BRD4: variants seen among roughly 807,000 people sequenced by gnomAD.
BRD4 encodes the protein bromodomain containing 4, also known as bromodomain-containing protein 4.
A neutral mutation model predicts 142.1 loss-of-function variants in BRD4; 16 were observed. The ratio of observed to expected loss-of-function variants is 0.11; its 90% CI spans 0.08 to 0.17. The LOEUF (loss-of-function observed/expected upper bound fraction) is 0.17, where lower values mean the gene tolerates loss of function less well. Ranked by LOEUF, BRD4 falls within the 10% of genes least tolerant of loss-of-function variation. The pLI is 1.00. For synonymous variants in BRD4, 833 were observed against 707.5 expected, an observed-to-expected ratio of 1.18 and a Z score of -2.82; for missense variants, 1,424 against 1,810.9, an observed-to-expected ratio of 0.79 and a Z score of 3.88.
Position 15,265,632 on chromosome 19 carries a change from G to C in BRD4, c.571C>G (p.Pro191Ala). Residue 191 changes from proline to alanine, a missense_variant, in exon 5 of 20, where the codon CCT (proline) becomes GCT (alanine). Pro to Ala is a conservative substitution (Grantham distance 27). Transcript: ENST00000679869. The stretch of plus-strand genomic sequence containing the variant: ...GTGTTTGGTACCGTGGAAACGCCAG[G>C]TTTTGCTGTCCCTACAAATCATAAT... ...RGRKETGTAK[P>A]GVSTVPNTTQ... 1 of 1,614,138 alleles carries C rather than the reference G, an allele frequency of 6.2e-7. No homozygotes were observed. The highest frequency in any genetic ancestry group is 8.5e-7 in the Non-Finnish European group (1 of 1,180,014).
chr19:15,241,502 C>T (rs574582455), intron 14 of BRD4, among the ~76,000 whole-genome samples: 1 of 152,354 alleles, frequency 6.6e-6, no homozygotes, highest in South Asian at 2.1e-4. Flanking sequence ...TAGCAGGATC[C>T]CAATCCACAC....
At chr19:15,244,850 C>T (rs2047271876) in intron 11 of BRD4, 88 bp from the exon 12 acceptor site, 2 of 1,602,918 alleles carry the variant, frequency 1.2e-6, no homozygotes, top group Non-Finnish European at 1.7e-6. Flanking sequence ...AAACAGGGCA[C>T]TTTCAGGAGA....
intron 6 of BRD4, chr19:15,264,118 C>G (rs1599463073): frequency 2.6e-6 from 1 of 389,696 alleles, no homozygotes; most frequent in South Asian, 4.7e-5. Context: ...GGCAAGGTAC[C>G]TGGGGCACTG....
intron 1 of BRD4, chr19:15,280,342 A>G: frequency 9.9e-7 from 1 of 1,014,554 alleles, no homozygotes. Flanking sequence ...GCAGCACCAC[A>G]CTTTGCTGTA....
At chr19:15,307,874 G>A (rs2047927883) in intron 1 of BRD4, among the ~76,000 whole-genome samples, 1 of 152,052 alleles carries the variant, frequency 6.6e-6, no homozygotes, top group African/African-American at 2.4e-5. Flanking sequence ...CAGCATTTTG[G>A]GAGGCCCTGG....
chr19:15,253,081 AAC>A (rs1307199417), intron 11 of BRD4: 2 of 250,668 alleles, frequency 8.0e-6, no homozygotes, highest in Non-Finnish European at 1.5e-5. Flanking sequence ...CTACTGCCAA[AAC>A]ACAGGTTTCC....
rs1424313834 is a variant in BRD4 at position 15,238,910 on chromosome 19, G to GCTC, written c.3850_3852dup (p.Glu1284dup). On this transcript the variant is annotated inframe_insertion, in exon 19 of 20. Transcript: ENST00000679869. This position sits in a 1 kb window ranked among gnomAD's most constrained non-coding sequence, Gnocchi z 7.2. ...TGCTCCTGGCGCTGCTGCTGCTGCT[G>GCTC]CTCCTGGCGCCGACGTGCCTCCTCA... is the stretch of plus-strand genomic sequence containing the variant. 6.3e-7 allele frequency: 1 copy of GCTC among 1,594,908 alleles called. No homozygotes were observed. Among genetic ancestry groups the GCTC allele is most frequent in the African/African-American group, 1.3e-5 (1 of 74,548 alleles).
At chr19:15,246,092 AGGGGCTGCAACT>A (rs1275606857) in intron 11 of BRD4, among the ~76,000 whole-genome samples, 3 of 152,204 alleles carry the variant, frequency 2.0e-5, no homozygotes, top group Non-Finnish European at 4.4e-5. Flanking sequence ...ACAAATGACC[AGGGGCTGCAACT>A]GGGGACACGG....
chr19:15,328,571 G>A lies in BRD4; in HGVS notation c.-35+3719C>T, dbSNP rs185163814. On this transcript the variant is annotated intron_variant, in intron 1 of 19. Transcript: ENST00000679869. ...CTCACATTCCTTGTAAGTCACTACC[G>A]AACAATTATGTCCACGGCTAACAAC... Among the ~76,000 whole-genome samples, 230 of 152,270 alleles carry A rather than the reference G, an allele frequency of 1.5e-3. 3 individuals carry two copies. Among genetic ancestry groups the A allele is most frequent in the African/African-American group, 5.4e-3 (226 of 41,544 alleles).
chr19:15,316,059 G>A (rs553980993), intron 1 of BRD4, among the ~76,000 whole-genome samples: 1 of 150,514 alleles, frequency 6.6e-6, no homozygotes, highest in Non-Finnish European at 1.5e-5. Context: ...GGGAGGCCGA[G>A]GCAGAAGAAT....
intron 11 of BRD4, chr19:15,253,870 A>AAT: frequency 8.6e-7 from 1 of 1,163,764 alleles, no homozygotes; most frequent in Admixed American, 2.2e-5. Flanking sequence ...CCCACCATCC[A>AAT]GGGCTCCGCA....
intron 7 of BRD4, 109 bp downstream of exon 7, chr19:15,263,311 C>CA: frequency 7.3e-7 from 1 of 1,362,978 alleles, no homozygotes; most frequent in Non-Finnish European, 1.0e-6. Context: ...ATGGCATTAT[C>CA]CCAAGGAAAG....
chr19:15,239,540 GGTGGGCCCTGGCCCACCTCACCCCA>G lies in BRD4; in HGVS notation c.3446-43_3446-19del. On this transcript the variant is annotated intron_variant, in intron 16 of 19. Transcript: ENST00000679869. The surrounding 1 kb of genome is among the most constrained non-coding windows in gnomAD (Gnocchi z 7.4). ...TTCCGGCCCTGGAACATAAACAGCC[GGTGGGCCCTGGCCCACCTCACCCCA>G]GTGGGGCATGGTCCACCAGCCCCAC... The G allele has an allele frequency of 1.2e-6, 2 of 1,602,574 alleles. No homozygotes were observed. The highest frequency in any genetic ancestry group is 1.7e-6 in the Non-Finnish European group (2 of 1,175,718).
chr19:15,240,664 T>A (rs1488416895), intron 14 of BRD4, among the ~76,000 whole-genome samples: 1 of 152,182 alleles, frequency 6.6e-6, no homozygotes, highest in African/African-American at 2.4e-5. Flanking sequence ...GACACCTGCA[T>A]CCAACCCAAG....
At chr19:15,292,981 T>A (rs1021844988) in intron 1 of BRD4, among the ~76,000 whole-genome samples, 17 of 151,892 alleles carry the variant, frequency 1.1e-4, no homozygotes. Context: ...TGGAGTTAAG[T>A]GCCCCTGAAA....
chr19:15,286,564 T>C (rs914824024), intron 1 of BRD4, among the ~76,000 whole-genome samples: 2 of 152,192 alleles, frequency 1.3e-5, no homozygotes, highest in Non-Finnish European at 2.9e-5. Flanking sequence ...CAAAATACCA[T>C]TTCGACATAT....
chr19:15,273,978 G>A (rs2047618895), intron 1 of BRD4, among the ~76,000 whole-genome samples: 1 of 152,118 alleles, frequency 6.6e-6, no homozygotes, highest in South Asian at 2.1e-4. Flanking sequence ...TTTAAACCAG[G>A]ATTACACAAA....
chr19:15,246,257 C>G (rs1431218410), intron 11 of BRD4, among the ~76,000 whole-genome samples: 1 of 152,130 alleles, frequency 6.6e-6, no homozygotes, highest in African/African-American at 2.4e-5. Context: ...GTCAGGGCAA[C>G]AGGGAGTCTG....
intron 11 of BRD4, 128 bp from the exon 12 acceptor site, chr19:15,244,890 G>A (rs909819333): frequency 2.7e-5 from 41 of 1,502,784 alleles, no homozygotes; most frequent in East Asian, 6.9e-5. Context: ...AAGGGCAGCC[G>A]AGTTCAATGA....
Sources: gnomAD v4.1 joint callset for allele counts (sites outside exome capture counted in the v4.1 genomes callset) on GRCh38, gnomAD v4.1.1 for gene constraint, Gnocchi (gnomAD v3.1) non-coding constraint, MANE v1.5 for transcripts, NCBI Gene and HGNC (gene_info 2026-07-23, HGNC 2026-07-21) for gene names.